Variants in GRM4 observed in about 807,000 individuals in gnomAD.
The protein encoded by GRM4 is metabotropic glutamate receptor 4.
In GRM4, 28 loss-of-function variants were observed where a neutral mutation model predicts 81.7. The ratio of observed to expected loss-of-function variants is 0.34; its 90% CI spans 0.25 to 0.47. The LOEUF (loss-of-function observed/expected upper bound fraction) is 0.47, where lower values mean the gene tolerates loss of function less well. Ranked by LOEUF, GRM4 falls within the 20% of genes least tolerant of loss-of-function variation. GRM4 has a pLI of 1.00. For synonymous variants in GRM4, 488 were observed against 528.8 expected (o/e 0.92, Z 1.06); for missense variants, 948 against 1,290.0 (o/e 0.73, Z 4.06).
chr6:34,044,387 C>T (rs1279332313), intron 6 of GRM4, among the ~76,000 whole-genome samples: 6 of 150,458 alleles, frequency 4.0e-5, no homozygotes, highest in South Asian at 4.2e-4. Flanking sequence ...CACACATAGA[C>T]ATACATACAT....
chr6:34,087,708 C>T (rs11968206), intron 3 of GRM4, among the ~76,000 whole-genome samples: 1 of 137,852 alleles, frequency 7.3e-6, no homozygotes. Context: ...AACCCCCCCC[C>T]CACACACACA....
intron 2 of GRM4, among the ~76,000 whole-genome samples, chr6:34,125,209 G>A (rs1230186827): frequency 2.6e-5 from 4 of 152,122 alleles, no homozygotes; most frequent in African/African-American, 7.2e-5. Flanking sequence ...TCCTGACCTC[G>A]TGATCCGCCC....
At chr6:34,051,505 A>G (rs1307636337) in intron 6 of GRM4, among the ~76,000 whole-genome samples, 1 of 151,984 alleles carries the variant, frequency 6.6e-6, no homozygotes, top group East Asian at 1.9e-4. Context: ...AATTTTTCCT[A>G]TCTCCTTATA....
Position 34,024,282 on chromosome 6 carries a change from A to G in GRM4, c.2690-1412T>C, listed in dbSNP as rs118189772. On this transcript the variant is annotated intron_variant, in intron 10 of 10. Transcript: ENST00000538487. ...CTGTGTGCAGCTCCCATGTCATTCA[A>G]TTAAAATGGGTCTTTCCCCCATGCG... The G allele has an allele frequency of 8.1e-4, 161 of 198,732 alleles. 2 individuals carry two copies. The East Asian group carries it at 0.017, about 21-fold the overall frequency. The allele number at this position is 198,732 out of a possible 1,614,324, so 12.3% of individuals were successfully genotyped here.
chr6:34,147,842 C>T (rs1266910598), upstream of GRM4, among the ~76,000 whole-genome samples: 2 of 152,088 alleles, frequency 1.3e-5, no homozygotes, highest in Non-Finnish European at 1.5e-5. Context: ...ATTTAGGCGG[C>T]TGTAAGTGGG....
chr6:34,113,818 T>C (rs1769481909), intron 2 of GRM4, among the ~76,000 whole-genome samples: 1 of 152,128 alleles, frequency 6.6e-6, no homozygotes, highest in Admixed American at 6.5e-5. Context: ...AGTCTAATTA[T>C]GTCACTCTGC....
chr6:34,146,608 G>A (rs142047395), upstream of GRM4, among the ~76,000 whole-genome samples: 190 of 152,318 alleles, frequency 1.2e-3, 2 homozygotes, highest in African/African-American at 4.2e-3. Flanking sequence ...AATTAGAGCC[G>A]TGATGTGTGA....
Position 34,091,027 on chromosome 6 carries a change from G to A in GRM4, c.736+856C>T, listed in dbSNP as rs201794501. 2.6e-4 allele frequency among the ~76,000 whole-genome samples: 40 copies of A among 152,082 alleles called. No individual in the cohort carries two copies. The East Asian group carries it at 7.0e-3, about 27-fold the overall frequency. On this transcript the variant is annotated intron_variant, in intron 3 of 10. Coordinates refer to ENST00000538487, the MANE Select transcript of GRM4 (RefSeq NM_000841.4). ...CCTTCAGCCCCACAGCCCCCCAGGA[G>A]CTGTCCCCTCTTGGCTCACCCCAGC...
In GRM4 at chr6:34,078,919, G is replaced by T. The variant is rs1271799416; in HGVS notation, c.736+12964C>A. Reference sequence around the variant, plus strand: ...ATAATGGGGCAGCATGTAAGTGAGGGAGAGAGGAAAGGACGGTCACAACGG... The same window carrying T: ...ATAATGGGGCAGCATGTAAGTGAGGTAGAGAGGAAAGGACGGTCACAACGG... On this transcript the variant is annotated intron_variant, in intron 3 of 10. Coordinates refer to ENST00000538487, the MANE Select transcript of GRM4 (RefSeq NM_000841.4). The surrounding 1 kb of genome is among the most constrained non-coding windows in gnomAD (Gnocchi z 4.8). 6.6e-6 allele frequency among the ~76,000 whole-genome samples: 1 copy of T among 152,204 alleles called. No homozygotes were observed. Among genetic ancestry groups the T allele is most frequent in the Non-Finnish European group, 1.5e-5 (1 of 68,050 alleles).
intron 3 of GRM4, among the ~76,000 whole-genome samples, chr6:34,076,970 G>A (rs1277029164): frequency 6.6e-6 from 1 of 151,982 alleles, no homozygotes; most frequent in African/African-American, 2.4e-5. Context: ...GGTCAGGAGA[G>A]CCTTGGGGAG....
chr6:34,069,666 G>GTC lies in GRM4; in HGVS notation c.737-7639_737-7638insGA, dbSNP rs1025322167. 5.7e-5 allele frequency among the ~76,000 whole-genome samples: 6 copies of GTC among 104,626 alleles called. No homozygotes were observed. The highest frequency in any genetic ancestry group is 3.4e-4 in the African/African-American group (6 of 17,682). The allele number at this position is 104,626 out of a possible 152,430, so 68.6% of individuals were successfully genotyped here. A position where few individuals can be genotyped will look rare whatever the true frequency, so the allele number is the denominator to read the frequency against. ...GCCCCCAGTGTGTGTGTGTGTGTGT[G>GTC]TGTGTGTGTGTGTGTGTGTGTGACC... is the stretch of plus-strand genomic sequence containing the variant. On this transcript the variant is annotated intron_variant, in intron 3 of 10. Coordinates refer to ENST00000538487, the MANE Select transcript of GRM4 (RefSeq NM_000841.4). The surrounding 1 kb of genome is among the most constrained non-coding windows in gnomAD (Gnocchi z 6.4).
At chr6:34,112,461 C>T (rs990401365) in intron 2 of GRM4, among the ~76,000 whole-genome samples, 3 of 152,190 alleles carry the variant, frequency 2.0e-5, no homozygotes, top group African/African-American at 7.2e-5. Flanking sequence ...TTAACTCAAC[C>T]ACCCTCCTGA....
Position 34,152,818 on chromosome 6 carries a change from G to A in GRM4, c.312+2261C>T, listed in dbSNP as rs1392702284. 6.6e-6 allele frequency among the ~76,000 whole-genome samples: 1 copy of A among 152,166 alleles called. No individual in the cohort carries two copies. Among genetic ancestry groups the A allele is most frequent in the African/African-American group, 2.4e-5 (1 of 41,420 alleles). On this transcript the variant is annotated intron_variant, in intron 1 of 8. Coordinates refer to the GRM4 transcript ENST00000374177. The surrounding 1 kb of genome is among the most constrained non-coding windows in gnomAD (Gnocchi z 4.1). ...GAGTGGGGTATGAGGCCCCCACAAT[G>A]GAAGACAAGGGGGACAGGCAGGAGC...
intron 2 of GRM4, among the ~76,000 whole-genome samples, chr6:34,103,106 C>T (rs368683157): frequency 1.8e-4 from 28 of 152,322 alleles, no homozygotes; most frequent in African/African-American, 6.0e-4. Context: ...AGGAAGCAAA[C>T]GCTGGGAAGC....
chr6:34,055,861 C>G (rs1176692001), intron 6 of GRM4: 1 of 152,276 alleles, frequency 6.6e-6, no homozygotes, highest in African/African-American at 2.4e-5. Context: ...CTGCCCCTCC[C>G]CTGTGCGGCC....
At chr6:34,110,985 G>C (rs1297599606) in intron 2 of GRM4, 5 of 534,716 alleles carry the variant, frequency 9.4e-6, no homozygotes, top group Non-Finnish European at 1.1e-5. Flanking sequence ...GCCAAGCGGA[G>C]ACAGGGCTCC....
At position 34,082,104 on chromosome 6, in the gene GRM4, TCCCTGTCCAGTGGGAGCCTGC is replaced by T. The variant is rs1288223585; in HGVS notation, c.736+9758_736+9778del. On this transcript the variant is annotated intron_variant, in intron 3 of 10. Transcript: ENST00000538487. ...GTCCAGTGGGAGCCTGCGGGACAGA[TCCCTGTCCAGTGGGAGCCTGC>T]GGGACAGATCCCTGTCCAGTGGGAG... Among the ~76,000 whole-genome samples, 307 of 95,904 alleles carry T rather than the reference TCCCTGTCCAGTGGGAGCCTGC, an allele frequency of 3.2e-3. 2 individuals carry two copies. Among genetic ancestry groups the T allele is most frequent in the Non-Finnish European group, 6.1e-3 (232 of 38,152 alleles). The allele number at this position is 95,904 out of a possible 152,430, so 62.9% of individuals were successfully genotyped here.
In GRM4 at chr6:34,059,118, C is replaced by A; in HGVS notation, c.883G>T (p.Glu295Ter). 1 of 1,613,506 alleles carries A rather than the reference C, an allele frequency of 6.2e-7. No individual in the cohort carries two copies. Among genetic ancestry groups the A allele is most frequent in the Admixed American group, 1.7e-5 (1 of 60,008 alleles). ...ANEDDIRRVL[E>*]AARRANQTGH... is the part of the protein sequence containing the mutation. ...GTCTGGTTGGCCCTTCGTGCTGCCT[C>A]CAGCACACGCCTGTAGGAACATACA... The change falls in exon 5 of 11, where the codon GAG becomes TAG. Residue 295 changes from glutamate to a stop codon, truncating the protein, a stop_gained. Transcript: ENST00000538487. LOFTEE classifies it high-confidence loss of function. The surrounding 1 kb of genome is among the most constrained non-coding windows in gnomAD (Gnocchi z 5.7).
chr6:34,023,381 A>G (rs1276349216), intron 10 of GRM4, among the ~76,000 whole-genome samples: 4 of 152,256 alleles, frequency 2.6e-5, no homozygotes, highest in Non-Finnish European at 5.9e-5. Context: ...AGGAATATAC[A>G]TTAAACTAGA....
Sources: allele counts gnomAD v4.1 joint callset (sites outside exome capture counted in the v4.1 genomes callset), GRCh38; gene constraint gnomAD v4.1.1; non-coding constraint Gnocchi (gnomAD v3.1); transcripts MANE v1.5; gene names NCBI Gene and HGNC (gene_info 2026-07-23, HGNC 2026-07-21).